RIN2: variants seen among roughly 807,000 people sequenced by gnomAD.
The protein encoded by RIN2 is RAB5 interacting protein 2.
RIN2 carries 36 observed loss-of-function variants against 78.0 expected under a neutral mutation model. That is an observed-to-expected ratio of 0.46 (90% confidence interval 0.35 to 0.61). The LOEUF (loss-of-function observed/expected upper bound fraction) is 0.61, where lower values mean the gene tolerates loss of function less well. RIN2 is among the 20% of genes least tolerant of loss of function. RIN2 has a pLI of 0.00. For synonymous variants in RIN2, 466 were observed against 466.8 expected, an observed-to-expected ratio of 1.00 and a Z score of 0.02; for missense variants, 1,087 against 1,159.7, an observed-to-expected ratio of 0.94 and a Z score of 0.91.
At chr20:19,932,520 C>T (rs1473472143) in intron 3 of RIN2, among the ~76,000 whole-genome samples, 2 of 152,158 alleles carry the variant, frequency 1.3e-5, no homozygotes, top group Non-Finnish European at 2.9e-5. Context: ...CTAATCATTT[C>T]CTCTCTCGAG....
At chr20:19,895,350 G>T (rs2038672435) in intron 3 of RIN2, among the ~76,000 whole-genome samples, 1 of 152,108 alleles carries the variant, frequency 6.6e-6, no homozygotes, top group Non-Finnish European at 1.5e-5. Flanking sequence ...AGAGAACCAG[G>T]GTGAATTGTC....
chr20:19,919,420 C>A (rs528900864), intron 3 of RIN2, among the ~76,000 whole-genome samples: 1 of 152,314 alleles, frequency 6.6e-6, no homozygotes, highest in South Asian at 2.1e-4. Flanking sequence ...TCCCTGAAAT[C>A]ATTTATATCC....
At chr20:19,899,235 G>A (rs2038872270) in intron 3 of RIN2, among the ~76,000 whole-genome samples, 1 of 152,040 alleles carries the variant, frequency 6.6e-6, no homozygotes, top group Admixed American at 6.6e-5. Flanking sequence ...CTTAAATACT[G>A]GTAGAGGATT....
chr20:19,759,167 TATG>T (rs985922702), intron 1 of RIN2, among the ~76,000 whole-genome samples: 9 of 152,220 alleles, frequency 5.9e-5, no homozygotes, highest in African/African-American at 2.2e-4. Flanking sequence ...CTTGAAAGCC[TATG>T]ATATGTTGCC....
At chr20:19,856,959 AT>A (rs2037189957) in intron 2 of RIN2, among the ~76,000 whole-genome samples, 1 of 152,088 alleles carries the variant, frequency 6.6e-6, no homozygotes, top group African/African-American at 2.4e-5. Context: ...ATCCCCCCTC[AT>A]TTTTTAAAAC....
At chr20:19,852,613 G>A (rs2037019217) in intron 2 of RIN2, among the ~76,000 whole-genome samples, 1 of 152,116 alleles carries the variant, frequency 6.6e-6, no homozygotes, top group Non-Finnish European at 1.5e-5. Context: ...AGGGATAGTG[G>A]GCAGGCTGCT....
At chr20:19,835,069 GAGAAAGAGAA>G (rs2036373695) in intron 2 of RIN2, among the ~76,000 whole-genome samples, 1 of 127,632 alleles carries the variant, frequency 7.8e-6, no homozygotes, top group African/African-American at 2.9e-5. Context: ...AAGAGAAAAA[GAGAAAGAGAA>G]AGAAAGAGAA....
intron 1 of RIN2, among the ~76,000 whole-genome samples, chr20:19,778,883 A>G (rs1437348840): frequency 6.6e-6 from 1 of 152,166 alleles, no homozygotes; most frequent in East Asian, 1.9e-4. Flanking sequence ...CCCAACCACT[A>G]CAACTCCTGG....
intron 4 of RIN2, among the ~76,000 whole-genome samples, chr20:19,952,272 G>A (rs891932382): frequency 6.6e-6 from 1 of 152,180 alleles, no homozygotes; most frequent in Non-Finnish European, 1.5e-5. Flanking sequence ...GCATTTCCAG[G>A]AGAAGAGGGG....
intron 2 of RIN2, among the ~76,000 whole-genome samples, chr20:19,830,771 C>T (rs1390167570): frequency 6.6e-6 from 1 of 152,224 alleles, no homozygotes; most frequent in Admixed American, 6.5e-5. Flanking sequence ...CTATAGCTGC[C>T]ACCAGCCCCT....
chr20:19,838,394 A>G (rs1319280814), intron 2 of RIN2, among the ~76,000 whole-genome samples: 1 of 152,246 alleles, frequency 6.6e-6, no homozygotes, highest in African/African-American at 2.4e-5. Flanking sequence ...TATAAGGTTC[A>G]TACATATTCA....
chr20:19,909,462 G>A (rs185864583), intron 3 of RIN2, among the ~76,000 whole-genome samples: 7 of 152,148 alleles, frequency 4.6e-5, no homozygotes, highest in Admixed American at 3.9e-4. Flanking sequence ...TTCCTTTCTG[G>A]AACTTTCAAC....
chr20:19,791,022 C>T (rs1177990153), intron 1 of RIN2, among the ~76,000 whole-genome samples: 2 of 152,184 alleles, frequency 1.3e-5, no homozygotes, highest in Non-Finnish European at 2.9e-5. Flanking sequence ...AATGCCTTTC[C>T]CCATACTCCC....
At chr20:19,995,603 T>C (rs865774830) in intron 11 of RIN2, among the ~76,000 whole-genome samples, 1 of 152,100 alleles carries the variant, frequency 6.6e-6, no homozygotes, top group Non-Finnish European at 1.5e-5. Context: ...AAGAGATCAT[T>C]CCTAAATACA....
chr20:19,916,171 C>T (rs755171674), intron 3 of RIN2, among the ~76,000 whole-genome samples: 7 of 152,134 alleles, frequency 4.6e-5, no homozygotes, highest in Admixed American at 6.5e-5. Context: ...ACCTGAGAGG[C>T]GGAGATTGCA....
At chr20:19,859,324 C>T (rs1468583210) in intron 2 of RIN2, among the ~76,000 whole-genome samples, 1 of 152,238 alleles carries the variant, frequency 6.6e-6, no homozygotes, top group Non-Finnish European at 1.5e-5. Context: ...CTGGGATTCA[C>T]ACATTCCTGG....
chr20:19,925,310 A>G (rs529052774), intron 3 of RIN2, among the ~76,000 whole-genome samples: 2 of 152,350 alleles, frequency 1.3e-5, no homozygotes, highest in Admixed American at 1.3e-4. Context: ...ATAAATAAAT[A>G]CATCATATAT....
intron 3 of RIN2, among the ~76,000 whole-genome samples, chr20:19,899,245 T>G (rs112162399): frequency 1.7e-4 from 26 of 152,286 alleles, no homozygotes; most frequent in African/African-American, 5.8e-4. Flanking sequence ...GGTAGAGGAT[T>G]CCTGGGCTCT....
intron 2 of RIN2, among the ~76,000 whole-genome samples, chr20:19,854,303 T>A (rs2037092005): frequency 6.6e-6 from 1 of 152,252 alleles, no homozygotes; most frequent in Admixed American, 6.5e-5. Flanking sequence ...TAGTTTGAAG[T>A]CAGGTAGTGT....
Sources: gnomAD v4.1 joint callset for allele counts (sites outside exome capture counted in the v4.1 genomes callset) on GRCh38, gnomAD v4.1.1 for gene constraint, MANE v1.5 for transcripts, NCBI Gene and HGNC (gene_info 2026-07-23, HGNC 2026-07-21) for gene names.